Variants in PTGR2 observed in about 807,000 individuals in gnomAD.
The protein encoded by PTGR2 is prostaglandin reductase 2, also known as 15-oxoprostaglandin 13-reductase.
In PTGR2, 32 loss-of-function variants were observed where a neutral mutation model predicts 43.4. The ratio of observed to expected loss-of-function variants is 0.74; its 90% CI spans 0.56 to 0.99. The LOEUF (loss-of-function observed/expected upper bound fraction) is 0.99, where lower values mean the gene tolerates loss of function less well. Ranked by LOEUF, PTGR2 falls within the 50% of genes least tolerant of loss-of-function variation. The probability of loss-of-function intolerance (pLI) is 0.00; values close to 1 mark genes in which losing one functional copy is unlikely to be tolerated. For synonymous variants in PTGR2, 106 were observed against 139.2 expected, an observed-to-expected ratio of 0.76 and a Z score of 1.68; for missense variants, 373 against 420.0, an observed-to-expected ratio of 0.89 and a Z score of 0.98.
At chr14:73,854,464 C>A (rs1246359994) in intron 1 of PTGR2, among the ~76,000 whole-genome samples, 2 of 152,098 alleles carry the variant, frequency 1.3e-5, no homozygotes, top group Admixed American at 6.6e-5. Flanking sequence ...CACAATTATC[C>A]TATATTAATT....
chr14:73,871,341 C>CTTTTTTTTTTTTTTTTTTTTTTTTTTATT (rs2054725854), intron 3 of PTGR2, among the ~76,000 whole-genome samples: 2 of 67,878 alleles, frequency 2.9e-5, no homozygotes, highest in African/African-American at 1.2e-4. Flanking sequence ...GGCTGTTCAT[C>CTTTTTTTTTTTTTTTTTTTTTTTTTTATT]TTTTTTTTTT....
chr14:73,860,006 G>A (rs1254714381), intron 2 of PTGR2, among the ~76,000 whole-genome samples: 2 of 151,544 alleles, frequency 1.3e-5, no homozygotes, highest in Non-Finnish European at 2.9e-5. Context: ...GCGCCACCAC[G>A]CCTGGCTAGT....
intron 3 of PTGR2, among the ~76,000 whole-genome samples, chr14:73,864,402 CCCA>C (rs2054557545): frequency 6.6e-6 from 1 of 152,202 alleles, no homozygotes; most frequent in Non-Finnish European, 1.5e-5. Context: ...ATTTTCCAAT[CCCA>C]CCATCAGTGT....
At chr14:73,865,155 C>T (rs1197083530) in intron 3 of PTGR2, among the ~76,000 whole-genome samples, 2 of 152,114 alleles carry the variant, frequency 1.3e-5, no homozygotes, top group Non-Finnish European at 2.9e-5. Flanking sequence ...AGGCTGTCTA[C>T]AAACTGGAGA....
chr14:73,873,062 G>A (rs2054774779), intron 3 of PTGR2, among the ~76,000 whole-genome samples: 1 of 151,916 alleles, frequency 6.6e-6, no homozygotes, highest in South Asian at 2.1e-4. Context: ...AGTAATCCCA[G>A]CACTTTGAGA....
At chr14:73,856,368 C>G (rs1172132831) in intron 1 of PTGR2, among the ~76,000 whole-genome samples, 3 of 152,118 alleles carry the variant, frequency 2.0e-5, no homozygotes, top group African/African-American at 7.2e-5. Flanking sequence ...GCCTCAGCCT[C>G]CCAAGTAGCT....
In PTGR2 at chr14:73,884,870, C is replaced by T. The variant is rs924883739; in HGVS notation, c.*693C>T. On this transcript the variant is annotated 3_prime_UTR_variant, in exon 10 of 10. Transcript: ENST00000555661. ...CTCTTTGTATTTGCCAAATAATTTA[C>T]TGTATAGCCTAAAAACTCCATATAT... is the stretch of plus-strand genomic sequence containing the variant. 6.6e-6 allele frequency: 1 copy of T among 152,124 alleles called. No homozygotes were observed. Among genetic ancestry groups the T allele is most frequent in the African/African-American group, 2.4e-5 (1 of 41,430 alleles). The allele number at this position is 152,124 out of a possible 1,614,324, so 9.4% of individuals were successfully genotyped here.
chr14:73,860,610 G>T lies in PTGR2; in HGVS notation c.109G>T (p.Gly37Ter). The T allele has an allele frequency of 6.3e-7, 1 of 1,574,856 alleles. No homozygotes were observed. Among genetic ancestry groups the T allele is most frequent in the South Asian group, 1.1e-5 (1 of 87,846 alleles). Residue 37 changes from glycine (G) to a stop codon, truncating the protein, a stop_gained, in exon 3 of 10, where the codon GGA becomes TGA. Transcript: ENST00000555661. LOFTEE classifies it high-confidence loss of function. ...CTATTTACCAGATAATATTAATGAAGGACAAGTACAAGTTAGAACTCTTTA... is the reference window on the plus strand; with the variant it reads ...CTATTTACCAGATAATATTAATGAATGACAAGTACAAGTTAGAACTCTTTA... ...EVYLPDNINE[G>*]QVQVRTLYLS...
intron 3 of PTGR2, among the ~76,000 whole-genome samples, chr14:73,873,712 C>T (rs949576696): frequency 6.6e-6 from 1 of 152,110 alleles, no homozygotes; most frequent in African/African-American, 2.4e-5. Flanking sequence ...GATCTGCCCG[C>T]CTCAGCCTCC....
intron 4 of PTGR2, among the ~76,000 whole-genome samples, chr14:73,874,836 A>G (rs1268000548): frequency 6.6e-6 from 1 of 152,220 alleles, no homozygotes; most frequent in Non-Finnish European, 1.5e-5. Context: ...AGCAGCTGCC[A>G]AAAGAATAGG....
intron 4 of PTGR2, among the ~76,000 whole-genome samples, chr14:73,875,308 A>G (rs2054833492): frequency 6.7e-6 from 1 of 150,222 alleles, no homozygotes; most frequent in Non-Finnish European, 1.5e-5. Context: ...TTAATGGTAC[A>G]TTTTAAGCAT....
chr14:73,869,891 T>A (rs1279607616), intron 3 of PTGR2, among the ~76,000 whole-genome samples: 1 of 152,146 alleles, frequency 6.6e-6, no homozygotes, highest in Non-Finnish European at 1.5e-5. Context: ...CCAGGCGTGG[T>A]GGCATGTGCC....
chr14:73,852,741 T>G (rs934565662), intron 1 of PTGR2, among the ~76,000 whole-genome samples: 2 of 152,046 alleles, frequency 1.3e-5, no homozygotes, highest in Non-Finnish European at 2.9e-5. Flanking sequence ...AATCTCCACA[T>G]GCAAGACTTC....
At chr14:73,869,505 T>C (rs1394093886) in intron 3 of PTGR2, among the ~76,000 whole-genome samples, 1 of 148,228 alleles carries the variant, frequency 6.7e-6, no homozygotes. Flanking sequence ...GCCCAGGAGG[T>C]CGAAGCTGTA....
chr14:73,857,712 A>G, intron 1 of PTGR2, among the ~76,000 whole-genome samples: 1 of 111,028 alleles, frequency 9.0e-6, no homozygotes, highest in Admixed American at 1.3e-4. Flanking sequence ...TCTGTTGCCC[A>G]GGCTGGAGTG....
intron 3 of PTGR2, among the ~76,000 whole-genome samples, chr14:73,860,866 G>T (rs1403353124): frequency 6.6e-6 from 1 of 152,120 alleles, no homozygotes; most frequent in Non-Finnish European, 1.5e-5. Context: ...AGTAGTACAT[G>T]TATGTGATTC....
rs1213963564 is a variant in PTGR2 at position 73,857,664 on chromosome 14, G to GTTTTTTTTTTTTTTTTTTT, written c.-47-1148_-47-1130dup. ...ATTACATGTCAATTAAGCAGTTAGT[G>GTTTTTTTTTTTTTTTTTTT]TTTTTTTTTTTTTTTTTTTTTTGAG... On this transcript the variant is annotated intron_variant, in intron 1 of 9. Transcript: ENST00000555661. Among the ~76,000 whole-genome samples the GTTTTTTTTTTTTTTTTTTT allele has an allele frequency of 1.7e-4, 11 of 64,718 alleles. 3 individuals carry two copies. The highest frequency in any genetic ancestry group is 1.1e-3 in the East Asian group (2 of 1,862). The allele number at this position is 64,718 out of a possible 152,430, so 42.5% of individuals were successfully genotyped here.
rs76619867 is a variant in PTGR2, at chr14:73,870,801, T to C, written c.157-3222T>C. Among the ~76,000 whole-genome samples the C allele has an allele frequency of 4.3e-3, 654 of 152,304 alleles. 5 individuals are homozygous for C. Among genetic ancestry groups the C allele is most frequent in the African/African-American group, 0.015 (633 of 41,568 alleles). On this transcript the variant is annotated intron_variant, in intron 3 of 9. Coordinates refer to ENST00000555661, the MANE Select transcript of PTGR2 (RefSeq NM_001146154.2). ...TTCATATTCTTTAAGTGACTTTATA[T>C]GGAAAAACTAGTTCAAATATTATTA...
Position 73,863,496 on chromosome 14 carries a change from A to G in PTGR2, c.156+2839A>G, listed in dbSNP as rs982745907. Reference sequence around the variant, plus strand: ...TGCCCGGCTAATTAAAATTTTTTAAAAAAACATTTTAAAATTGTTTATTTA... The same window carrying G: ...TGCCCGGCTAATTAAAATTTTTTAAGAAAACATTTTAAAATTGTTTATTTA... On this transcript the variant is annotated intron_variant, in intron 3 of 9. Transcript: ENST00000555661. Among the ~76,000 whole-genome samples the G allele has an allele frequency of 3.9e-5, 6 of 152,224 alleles. No individual in the cohort carries two copies. In the East Asian group the frequency reaches 1.2e-3, roughly 29 times the overall value.
Sources: allele counts gnomAD v4.1 joint callset (sites outside exome capture counted in the v4.1 genomes callset), GRCh38; gene constraint gnomAD v4.1.1; transcripts MANE v1.5; gene names NCBI Gene and HGNC (gene_info 2026-07-23, HGNC 2026-07-21).